Variants in MCTP1 observed in about 807,000 individuals in gnomAD.
MCTP1 encodes multiple C2 and transmembrane domain containing 1, also known as multiple C2 and transmembrane domain-containing protein 1.
Under a neutral mutation model 120.6 loss-of-function variants are expected in MCTP1, and 69 were observed. That is an observed-to-expected ratio of 0.57 (90% CI 0.47 to 0.70). MCTP1 has a LOEUF of 0.70. Ranked by LOEUF, MCTP1 falls within the 30% of genes least tolerant of loss-of-function variation. The pLI, the probability that MCTP1 is intolerant of heterozygous loss-of-function variation, is 0.00. For missense variants in MCTP1, 1,203 were observed against 1,248.8 expected (o/e 0.96, Z 0.55); for synonymous variants, 529 against 493.1 (o/e 1.07, Z -0.96).
chr5:95,129,540 G>T (rs1240268001), intron 1 of MCTP1, among the ~76,000 whole-genome samples: 3 of 152,242 alleles, frequency 2.0e-5, no homozygotes, highest in African/African-American at 4.8e-5. Context: ...GAGTATGTCT[G>T]TGAGTACATT....
intron 2 of MCTP1, among the ~76,000 whole-genome samples, chr5:94,999,193 C>T (rs889133629): frequency 1.3e-5 from 2 of 152,108 alleles, no homozygotes; most frequent in Non-Finnish European, 1.5e-5. Context: ...ACATAAAAAT[C>T]CAGGAACACA....
At chr5:95,269,415 A>G (rs1349546247) in intron 1 of MCTP1, among the ~76,000 whole-genome samples, 3 of 152,270 alleles carry the variant, frequency 2.0e-5, no homozygotes, top group Non-Finnish European at 4.4e-5. Flanking sequence ...ATTTGAAGTC[A>G]TGATACATGT....
intron 1 of MCTP1, among the ~76,000 whole-genome samples, chr5:95,154,713 A>T (rs1242497977): frequency 6.6e-6 from 1 of 152,214 alleles, no homozygotes; most frequent in African/African-American, 2.4e-5. Context: ...TTTTAAAATA[A>T]GTGAAACAAC....
At position 95,201,463 on chromosome 5, in the gene MCTP1, GGTTTTTTTTTTTTTTTTTT is replaced by G. The variant is rs1751016354; in HGVS notation, c.720+82374_720+82392del. ...AAGGGATAAAATGTAAAGGAAAAGT[GGTTTTTTTTTTTTTTTTTT>G]TTTTTTTTTTTTTTTTTTTTTTTTT... is the stretch of plus-strand genomic sequence containing the variant. On this transcript the variant is annotated intron_variant, in intron 1 of 22. Coordinates refer to ENST00000515393, the MANE Select transcript of MCTP1 (RefSeq NM_024717.7). Among the ~76,000 whole-genome samples, 8 of 120,682 alleles carry G rather than the reference GGTTTTTTTTTTTTTTTTTT, an allele frequency of 6.6e-5. 1 individual carries two copies. The highest frequency in any genetic ancestry group is 1.1e-4 in the Non-Finnish European group (6 of 56,672). 79.2% of individuals were successfully genotyped at this position (120,682 alleles called of 152,430 possible). A position where few individuals can be genotyped will look rare whatever the true frequency, so the allele number is the denominator to read the frequency against.
intron 1 of MCTP1, among the ~76,000 whole-genome samples, chr5:95,036,400 C>A (rs1841300904): frequency 6.6e-6 from 1 of 152,188 alleles, no homozygotes; most frequent in Admixed American, 6.5e-5. Flanking sequence ...TCTACTGCTT[C>A]TATGGATTTA....
intron 1 of MCTP1, among the ~76,000 whole-genome samples, chr5:95,165,809 GT>G (rs1746270085): frequency 1.3e-5 from 2 of 152,310 alleles, no homozygotes; most frequent in Admixed American, 1.3e-4. Flanking sequence ...CTGCCCGGCT[GT>G]TTCCTATGTT....
At chr5:94,717,478 C>T (rs1170878049) in intron 19 of MCTP1, among the ~76,000 whole-genome samples, 1 of 152,124 alleles carries the variant, frequency 6.6e-6, no homozygotes, top group African/African-American at 2.4e-5. Flanking sequence ...AGGATGCCCT[C>T]TCTCATCACT....
intron 1 of MCTP1, among the ~76,000 whole-genome samples, chr5:95,088,289 C>T (rs1755586645): frequency 6.6e-6 from 1 of 152,178 alleles, no homozygotes. Flanking sequence ...CTCACTCTAA[C>T]CCCGTGGCCA....
chr5:94,879,571 A>G (rs1162075073), intron 12 of MCTP1, among the ~76,000 whole-genome samples: 7 of 152,150 alleles, frequency 4.6e-5, no homozygotes, highest in African/African-American at 1.7e-4. Flanking sequence ...TATGTGGGCT[A>G]TATCTATCAA....
intron 17 of MCTP1, among the ~76,000 whole-genome samples, chr5:94,811,632 C>T (rs1783431600): frequency 6.6e-6 from 1 of 152,212 alleles, no homozygotes; most frequent in Admixed American, 6.5e-5. Flanking sequence ...GCAAGGGAAG[C>T]ATGCGTATCA....
intron 10 of MCTP1, among the ~76,000 whole-genome samples, chr5:94,904,577 T>A (rs13340358): frequency 0.13 from 19,678 of 152,252 alleles, 1,357 homozygotes; most frequent in African/African-American, 0.14. Context: ...AATATGGCCA[T>A]TTATTATTAC....
rs77721990 is a variant in MCTP1, at chr5:95,232,764, A to G, written c.720+51092T>C. On this transcript the variant is annotated intron_variant, in intron 1 of 22. Transcript: ENST00000515393. The stretch of plus-strand genomic sequence containing the variant: ...ATAATGTGTTAAAATAAAATTATGA[A>G]AAAAAGATGTATCATGCTAATACTA... Among the ~76,000 whole-genome samples the G allele has an allele frequency of 7.3e-3, 1,115 of 152,306 alleles. 12 individuals carry two copies. The highest frequency in any genetic ancestry group is 0.03 in the South Asian group (147 of 4,832).
intron 2 of MCTP1, among the ~76,000 whole-genome samples, chr5:95,013,515 T>C (rs1836453762): frequency 6.6e-6 from 1 of 152,120 alleles, no homozygotes; most frequent in Non-Finnish European, 1.5e-5. Flanking sequence ...CTTAAGTTGA[T>C]GCCAATGCTC....
intron 19 of MCTP1, among the ~76,000 whole-genome samples, chr5:94,737,389 A>G (rs951400363): frequency 2.6e-5 from 4 of 152,230 alleles, no homozygotes; most frequent in African/African-American, 7.2e-5. Context: ...CTTAGATATT[A>G]GAATAAAGCA....
chr5:94,947,559 T>TAC (rs1307895873), intron 3 of MCTP1, among the ~76,000 whole-genome samples: 2 of 40,622 alleles, frequency 4.9e-5, no homozygotes, highest in East Asian at 1.4e-3. Context: ...TTACTAAATA[T>TAC]ATATATATAT....
rs537246814 is a variant in MCTP1, at chr5:95,284,042, G to T, written c.534C>A (p.Arg178=). Residue 178 remains arginine, a synonymous_variant, in exon 1 of 23, where the codon CGC becomes CGA. Transcript: ENST00000515393. The surrounding 1 kb of genome is among the most constrained non-coding windows in gnomAD (Gnocchi z 5.2). ...GACGCCGTGCACCCTCATCTCGGGC[G>T]CGGTCCCCCCTCGGGGGAGGCTGGG... is the stretch of plus-strand genomic sequence containing the variant. ...SSPQPPPRGD[R]ARDEGARRQG... 1.3e-6 allele frequency: 2 copies of T among 1,520,656 alleles called. No individual in the cohort carries two copies. Among genetic ancestry groups the T allele is most frequent in the Non-Finnish European group, 1.8e-6 (2 of 1,135,954 alleles). 94.2% of individuals were successfully genotyped at this position (1,520,656 alleles called of 1,614,324 possible).
intron 4 of MCTP1, among the ~76,000 whole-genome samples, chr5:94,940,632 A>G (rs1817469594): frequency 6.9e-6 from 1 of 144,578 alleles, no homozygotes; most frequent in African/African-American, 2.6e-5. Flanking sequence ...ATATATACAC[A>G]TATACATACA....
At chr5:94,826,552 C>G in intron 17 of MCTP1, 2 of 721,206 alleles carry the variant, frequency 2.8e-6, no homozygotes, top group Non-Finnish European at 2.5e-6. Context: ...TTCATAGAAG[C>G]TTCCTCCTTC....
intron 2 of MCTP1, among the ~76,000 whole-genome samples, chr5:95,012,172 T>C (rs922725049): frequency 3.9e-5 from 6 of 152,254 alleles, no homozygotes; most frequent in African/African-American, 1.4e-4. Context: ...GATATCTGTA[T>C]ATATATTAAT....
Sources: gnomAD v4.1 joint callset for allele counts (sites outside exome capture counted in the v4.1 genomes callset) on GRCh38, gnomAD v4.1.1 for gene constraint, Gnocchi (gnomAD v3.1) non-coding constraint, MANE v1.5 for transcripts, NCBI Gene and HGNC (gene_info 2026-07-23, HGNC 2026-07-21) for gene names.